CNTNAP2: variants seen among roughly 807,000 people sequenced by gnomAD.
CNTNAP2 encodes contactin associated protein 2.
In CNTNAP2, 98 loss-of-function variants were observed where a neutral mutation model predicts 155.2. The ratio of observed to expected loss-of-function variants is 0.63; its 90% CI spans 0.54 to 0.75. The LOEUF (loss-of-function observed/expected upper bound fraction) is 0.75. Among genes scored for constraint, CNTNAP2 ranks in the 30% least tolerant of loss-of-function variants. The pLI is 0.00. For missense variants in CNTNAP2, 1,727 were observed against 1,688.1 expected (o/e 1.02, Z -0.40); for synonymous variants, 651 against 631.2 (o/e 1.03, Z -0.47).
chr7:146,732,168 G>T (rs1380035693), intron 1 of CNTNAP2, among the ~76,000 whole-genome samples: 1 of 152,058 alleles, frequency 6.6e-6, no homozygotes, highest in East Asian at 1.9e-4. Context: ...GTTTGTAGAA[G>T]CTACTTAAAA....
intron 13 of CNTNAP2, among the ~76,000 whole-genome samples, chr7:147,798,455 G>A (rs1055490462): frequency 6.6e-6 from 1 of 152,120 alleles, no homozygotes; most frequent in African/African-American, 2.4e-5. Flanking sequence ...AGGATGTCAG[G>A]GCTCTAGAGA....
chr7:147,895,342 C>A (rs544394291), intron 13 of CNTNAP2, among the ~76,000 whole-genome samples: 1 of 152,154 alleles, frequency 6.6e-6, no homozygotes, highest in East Asian at 1.9e-4. Flanking sequence ...CTCCCTTTCC[C>A]AGTTTAATCA....
chr7:146,219,986 A>T (rs1374188214), intron 1 of CNTNAP2, among the ~76,000 whole-genome samples: 1 of 152,132 alleles, frequency 6.6e-6, no homozygotes, highest in African/African-American at 2.4e-5. Flanking sequence ...AGGAGAGGCA[A>T]ACTGAGTTGC....
At chr7:148,069,620 CAT>C (rs1803341809) in intron 15 of CNTNAP2, among the ~76,000 whole-genome samples, 1 of 151,850 alleles carries the variant, frequency 6.6e-6, no homozygotes, top group African/African-American at 2.4e-5. Flanking sequence ...ATTAGCCGGG[CAT>C]GGTGGCGGGC....
At chr7:146,840,012 C>A (rs1326581264) in intron 3 of CNTNAP2, 108 bp downstream of exon 3, 11 of 1,264,748 alleles carry the variant, frequency 8.7e-6, no homozygotes, top group African/African-American at 1.5e-5. Flanking sequence ...GTATTCAAAT[C>A]ATTGGGAAAC....
In CNTNAP2 at chr7:147,695,246, A is replaced by G. The variant is rs559375615; in HGVS notation, c.2098+55940A>G. Among the ~76,000 whole-genome samples, 16 of 152,244 alleles carry G rather than the reference A, an allele frequency of 1.1e-4. No homozygotes were observed. In the South Asian group the frequency reaches 2.1e-3, roughly 20 times the overall value. The stretch of plus-strand genomic sequence containing the variant: ...GTATTCTTTTAAATTTGTATGTGTT[A>G]TTACCCAGAACGTGATCTATCTTGT... On this transcript the variant is annotated intron_variant, in intron 13 of 23. Transcript: ENST00000361727.
At chr7:147,493,297 C>T (rs1009372767) in intron 11 of CNTNAP2, among the ~76,000 whole-genome samples, 2 of 152,180 alleles carry the variant, frequency 1.3e-5, no homozygotes, top group Non-Finnish European at 2.9e-5. Context: ...TCTTTCTAAT[C>T]GAGATATGGT....
chr7:147,107,034 A>G (rs567643778), intron 4 of CNTNAP2, among the ~76,000 whole-genome samples: 7 of 152,360 alleles, frequency 4.6e-5, no homozygotes, highest in African/African-American at 1.7e-4. Flanking sequence ...AGCTTTGTCC[A>G]GACTTGTAAT....
intron 2 of CNTNAP2, among the ~76,000 whole-genome samples, chr7:146,810,590 A>G (rs1803047801): frequency 6.6e-6 from 1 of 151,192 alleles, no homozygotes; most frequent in Non-Finnish European, 1.5e-5. Flanking sequence ...CACAGAGATT[A>G]TTTAACTTAT....
chr7:147,786,055 G>T (rs556169072), intron 13 of CNTNAP2, among the ~76,000 whole-genome samples: 2 of 152,008 alleles, frequency 1.3e-5, no homozygotes, highest in Non-Finnish European at 2.9e-5. Context: ...ACTTTGGAAG[G>T]CTGAGGCGGG....
intron 9 of CNTNAP2, among the ~76,000 whole-genome samples, chr7:147,318,262 T>G (rs899967094): frequency 6.6e-6 from 1 of 152,028 alleles, no homozygotes; most frequent in African/African-American, 2.4e-5. Flanking sequence ...AGCAATGTGG[T>G]GAAACCCCAT....
In CNTNAP2 at chr7:148,168,714, TA is replaced by T. The variant is rs1562981901; in HGVS notation, c.2774-3521del. ...GTACCCTAAAACTTAAAGTATAATT[TA>T]AAAAAAGAAAAATATCTCCATTCTT... On this transcript the variant is annotated intron_variant, in intron 17 of 23. Coordinates refer to ENST00000361727, the MANE Select transcript of CNTNAP2 (RefSeq NM_014141.6). 2.0e-5 allele frequency among the ~76,000 whole-genome samples: 3 copies of T among 152,094 alleles called. No homozygotes were observed. The South Asian group carries it at 6.2e-4, about 32-fold the overall frequency.
At chr7:147,662,677 T>G (rs1795630730) in intron 13 of CNTNAP2, among the ~76,000 whole-genome samples, 1 of 152,154 alleles carries the variant, frequency 6.6e-6, no homozygotes, top group Non-Finnish European at 1.5e-5. Flanking sequence ...CTTGCTAGCT[T>G]AATAGTTCAT....
At chr7:147,020,934 G>A (rs1798807183) in intron 3 of CNTNAP2, among the ~76,000 whole-genome samples, 1 of 152,110 alleles carries the variant, frequency 6.6e-6, no homozygotes, top group African/African-American at 2.4e-5. Flanking sequence ...TTATTAAGAT[G>A]CATTTCTTGT....
At chr7:146,484,927 T>C (rs1262250566) in intron 1 of CNTNAP2, among the ~76,000 whole-genome samples, 3 of 152,198 alleles carry the variant, frequency 2.0e-5, no homozygotes, top group African/African-American at 7.2e-5. Flanking sequence ...TCAAAAAGCA[T>C]AATTTAGAAA....
At chr7:147,783,885 A>C (rs1797694466) in intron 13 of CNTNAP2, among the ~76,000 whole-genome samples, 1 of 152,168 alleles carries the variant, frequency 6.6e-6, no homozygotes, top group Admixed American at 6.5e-5. Context: ...CCAGCCTCCA[A>C]AACTGTAAGA....
Position 147,681,729 on chromosome 7 carries a change from G to A in CNTNAP2, c.2098+42423G>A, listed in dbSNP as rs1795949904. ...GATACAGTAGTCTCCCTTACCCATG[G>A]TTTAGCTTTCTGTACTTTCAGTTAA... is the stretch of plus-strand genomic sequence containing the variant. On this transcript the variant is annotated intron_variant, in intron 13 of 23. Transcript: ENST00000361727. Among the ~76,000 whole-genome samples, 7 of 151,898 alleles carry A rather than the reference G, an allele frequency of 4.6e-5. No individual in the cohort carries two copies. In the South Asian group the frequency reaches 1.5e-3, roughly 32 times the overall value.
At chr7:147,715,133 A>C (rs1796463399) in intron 13 of CNTNAP2, among the ~76,000 whole-genome samples, 1 of 152,102 alleles carries the variant, frequency 6.6e-6, no homozygotes, top group Non-Finnish European at 1.5e-5. Context: ...AACTGCTATA[A>C]ACCTTGGTTT....
At chr7:147,896,031 T>A (rs191795622) in intron 13 of CNTNAP2, among the ~76,000 whole-genome samples, 38 of 152,350 alleles carry the variant, frequency 2.5e-4, no homozygotes, top group Non-Finnish European at 5.0e-4. Flanking sequence ...ACATCAATTT[T>A]GCATCAGCCT....
Sources: allele counts gnomAD v4.1 joint callset (sites outside exome capture counted in the v4.1 genomes callset), GRCh38; gene constraint gnomAD v4.1.1; transcripts MANE v1.5; gene names NCBI Gene and HGNC (gene_info 2026-07-23, HGNC 2026-07-21).